Variants in ADAMTSL1 observed in about 807,000 individuals in gnomAD.
ADAMTSL1 encodes the protein ADAMTS like 1.
ADAMTSL1 carries 126 observed loss-of-function variants against 201.8 expected under a neutral mutation model. That is an observed-to-expected ratio of 0.62 (90% CI 0.54 to 0.72). ADAMTSL1 has a LOEUF of 0.72. Ranked by LOEUF, ADAMTSL1 falls within the 30% of genes least tolerant of loss-of-function variation. The pLI is 0.00. For synonymous variants in ADAMTSL1, 1,121 were observed against 903.4 expected, an observed-to-expected ratio of 1.24 and a Z score of -4.32; for missense variants, 2,679 against 2,277.8, an observed-to-expected ratio of 1.18 and a Z score of -3.59.
chr9:18,510,053 T>C (rs749257059), intron 2 of ADAMTSL1, among the ~76,000 whole-genome samples: 1 of 152,212 alleles, frequency 6.6e-6, no homozygotes, highest in Non-Finnish European at 1.5e-5. Context: ...GCATTCATAT[T>C]GAGTCCAAAT....
At chr9:18,435,238 T>C (rs930908364) in intron 2 of ADAMTSL1, among the ~76,000 whole-genome samples, 3 of 152,214 alleles carry the variant, frequency 2.0e-5, no homozygotes, top group Non-Finnish European at 4.4e-5. Flanking sequence ...AATAAAAAGA[T>C]GAAAATACAT....
chr9:18,544,179 A>T (rs889856703), intron 3 of ADAMTSL1, among the ~76,000 whole-genome samples: 3 of 152,210 alleles, frequency 2.0e-5, no homozygotes, highest in African/African-American at 7.2e-5. Flanking sequence ...TCAGTGCAAC[A>T]ATGGAAATAC....
intron 2 of ADAMTSL1, among the ~76,000 whole-genome samples, chr9:18,468,645 G>A (rs1169751191): frequency 6.6e-6 from 1 of 152,170 alleles, no homozygotes; most frequent in Non-Finnish European, 1.5e-5. Context: ...GAAAGTTTCA[G>A]CAATTTATTT....
chr9:18,532,220 A>G (rs1370546276), intron 2 of ADAMTSL1, among the ~76,000 whole-genome samples: 1 of 152,182 alleles, frequency 6.6e-6, no homozygotes, highest in Non-Finnish European at 1.5e-5. Context: ...GTTCATAGGA[A>G]TGCAGTAAAA....
intron 2 of ADAMTSL1, among the ~76,000 whole-genome samples, chr9:18,176,018 A>AT (rs1253790528): frequency 1.0e-4 from 14 of 137,456 alleles, no homozygotes; most frequent in Admixed American, 3.9e-4. Flanking sequence ...AAAAAAAAAA[A>AT]AAAAAAAAAA....
Position 18,194,499 on chromosome 9 carries a change from G to T in ADAMTSL1, c.207+30518G>T, listed in dbSNP as rs542127277. Among the ~76,000 whole-genome samples, 7 of 152,130 alleles carry T rather than the reference G, an allele frequency of 4.6e-5. No individual in the cohort carries two copies. In the East Asian group the frequency reaches 1.4e-3, roughly 29 times the overall value. ...GTTGTGCCAGTAACAATGTTAACCC[G>T]TCTTGCTTTCCCATTCCAGCTTGAT... On this transcript the variant is annotated intron_variant, in intron 2 of 29. Transcript: ENST00000680146.
At chr9:18,485,555 T>C (rs1456857320) in intron 1 of ADAMTSL1, among the ~76,000 whole-genome samples, 1 of 152,046 alleles carries the variant, frequency 6.6e-6, no homozygotes, top group Non-Finnish European at 1.5e-5. Flanking sequence ...AAACAAAGAA[T>C]GGGAGGGATG....
chr9:18,499,067 C>G lies in ADAMTSL1; in HGVS notation c.64-5762C>G, dbSNP rs376514937. ...TCCTTGGCCTGTATAGCTTTTACACCCTGTTACAGAATTGACTTTTCTCTT... is the reference window on the plus strand; with the variant it reads ...TCCTTGGCCTGTATAGCTTTTACACGCTGTTACAGAATTGACTTTTCTCTT... On this transcript the variant is annotated intron_variant, in intron 1 of 28. Transcript: ENST00000380548. Among the ~76,000 whole-genome samples the G allele has an allele frequency of 1.5e-4, 23 of 152,336 alleles. 2 individuals carry two copies. The East Asian group carries it at 4.2e-3, about 28-fold the overall frequency.
At chr9:18,898,324 A>C (rs1033742536) in intron 26 of ADAMTSL1, among the ~76,000 whole-genome samples, 14 of 152,244 alleles carry the variant, frequency 9.2e-5, no homozygotes, top group African/African-American at 3.4e-4. Flanking sequence ...GGAGGAGCAC[A>C]ATGACCTGAT....
At chr9:18,886,401 T>A (rs984185846) in intron 23 of ADAMTSL1, among the ~76,000 whole-genome samples, 3 of 151,498 alleles carry the variant, frequency 2.0e-5, no homozygotes, top group Non-Finnish European at 4.4e-5. Context: ...AAATGAAACA[T>A]TAGAAAAAAT....
At chr9:17,938,078 C>G (rs1382155419) in intron 1 of ADAMTSL1, among the ~76,000 whole-genome samples, 1 of 151,990 alleles carries the variant, frequency 6.6e-6, no homozygotes, top group African/African-American at 2.4e-5. Context: ...GGAAAATATG[C>G]TTGGAAAAAA....
At position 18,909,862 on chromosome 9, in the gene ADAMTSL1, A is replaced by G. The variant is rs1382406227; in HGVS notation, c.*1314A>G. ...AGCACCCTGGCAAAGCAGCTCACAC[A>G]CTGCAGCCACACTCATCAGCTGTGG... On this transcript the variant is annotated 3_prime_UTR_variant, in exon 29 of 29. Transcript: ENST00000380548. The G allele has an allele frequency of 6.6e-6, 1 of 152,218 alleles. No homozygotes were observed. Among genetic ancestry groups the G allele is most frequent in the Non-Finnish European group, 1.5e-5 (1 of 68,066 alleles). The allele number at this position is 152,218 out of a possible 1,614,324, so 9.4% of individuals were successfully genotyped here.
intron 1 of ADAMTSL1, among the ~76,000 whole-genome samples, chr9:17,980,715 A>G (rs1474571019): frequency 2.6e-5 from 4 of 152,180 alleles, no homozygotes; most frequent in African/African-American, 4.8e-5. Context: ...TGTCTTGGCC[A>G]TATGAGAATA....
chr9:18,890,722 C>T (rs1829197723), intron 25 of ADAMTSL1: 9 of 305,034 alleles, frequency 3.0e-5, no homozygotes, highest in Non-Finnish European at 5.2e-5. Flanking sequence ...CTTTCTCAAA[C>T]CCCCCCCACC....
intron 2 of ADAMTSL1, among the ~76,000 whole-genome samples, chr9:18,233,911 A>G (rs1172937188): frequency 6.6e-6 from 1 of 152,216 alleles, no homozygotes; most frequent in Non-Finnish European, 1.5e-5. Flanking sequence ...CAAATTATTA[A>G]GTCCTTGAAG....
intron 2 of ADAMTSL1, among the ~76,000 whole-genome samples, chr9:18,414,020 G>C (rs532559105): frequency 6.6e-6 from 1 of 152,168 alleles, no homozygotes; most frequent in Non-Finnish European, 1.5e-5. Flanking sequence ...AGAGCAAAGG[G>C]ACTTGCCAGT....
intron 2 of ADAMTSL1, among the ~76,000 whole-genome samples, chr9:18,430,923 G>C (rs955695): frequency 6.6e-6 from 1 of 152,174 alleles, no homozygotes; most frequent in Admixed American, 6.5e-5. Flanking sequence ...GATCTGTACA[G>C]ACATAAAACA....
At chr9:18,556,903 A>G (rs183296846) in intron 3 of ADAMTSL1, among the ~76,000 whole-genome samples, 63 of 152,142 alleles carry the variant, frequency 4.1e-4, no homozygotes, top group African/African-American at 1.5e-3. Flanking sequence ...TTGTCACCAA[A>G]TCTATGATGT....
intron 2 of ADAMTSL1, among the ~76,000 whole-genome samples, chr9:18,415,867 A>C (rs1194581353): frequency 1.3e-5 from 2 of 152,086 alleles, no homozygotes; most frequent in African/African-American, 4.8e-5. Context: ...CCTTGGAAAC[A>C]ATATATACAA....
Sources: allele counts gnomAD v4.1 joint callset (sites outside exome capture counted in the v4.1 genomes callset), GRCh38; gene constraint gnomAD v4.1.1; transcripts MANE v1.5; gene names NCBI Gene and HGNC (gene_info 2026-07-23, HGNC 2026-07-21).